GFRA1: variants seen among roughly 807,000 people sequenced by gnomAD.
GFRA1 encodes GDNF family receptor alpha 1.
GFRA1 carries 16 observed loss-of-function variants against 51.6 expected under a neutral mutation model. That is an observed-to-expected ratio of 0.31 (90% CI 0.21 to 0.47). The LOEUF (loss-of-function observed/expected upper bound fraction) is 0.47, where lower values mean the gene tolerates loss of function less well. Ranked by LOEUF, GFRA1 falls within the 20% of genes least tolerant of loss-of-function variation. The pLI, the probability that GFRA1 is intolerant of heterozygous loss-of-function variation, is 1.00. For synonymous variants in GFRA1, 270 were observed against 241.3 expected, an observed-to-expected ratio of 1.12 and a Z score of -1.10; for missense variants, 530 against 594.3, an observed-to-expected ratio of 0.89 and a Z score of 1.13.
At chr10:116,110,036 G>C (rs1049488300) in intron 6 of GFRA1, among the ~76,000 whole-genome samples, 3 of 152,148 alleles carry the variant, frequency 2.0e-5, no homozygotes, top group Admixed American at 2.0e-4. Flanking sequence ...CACACTCAAG[G>C]TGCTCCCTGT....
intron 2 of GFRA1, 149 bp downstream of exon 2, chr10:116,271,841 C>A: frequency 1.4e-6 from 1 of 727,738 alleles, no homozygotes; most frequent in South Asian, 1.5e-5. Context: ...CCCGGGGATT[C>A]GCGATCCCAT....
chr10:116,265,106 A>C (rs1018726779), intron 4 of GFRA1, among the ~76,000 whole-genome samples: 1 of 152,254 alleles, frequency 6.6e-6, no homozygotes, highest in South Asian at 2.1e-4. Context: ...GGCAAGACTC[A>C]AAAGAGAGTT....
chr10:116,075,717 T>C (rs368931078), intron 9 of GFRA1, among the ~76,000 whole-genome samples: 93 of 152,272 alleles, frequency 6.1e-4, no homozygotes, highest in African/African-American at 2.1e-3. Context: ...CAGGCATCAG[T>C]ACAATTGATG....
intron 4 of GFRA1, among the ~76,000 whole-genome samples, chr10:116,241,899 G>C (rs2134636312): frequency 6.6e-6 from 1 of 152,248 alleles, no homozygotes; most frequent in South Asian, 2.1e-4. Flanking sequence ...TCCTGAAAGT[G>C]AGCTGCCAAA....
At chr10:116,196,678 T>C (rs1439078679) in intron 5 of GFRA1, among the ~76,000 whole-genome samples, 4 of 42,026 alleles carry the variant, frequency 9.5e-5, no homozygotes, top group Non-Finnish European at 1.2e-4. Flanking sequence ...ATAATATATA[T>C]AATATATAGT....
intron 4 of GFRA1, among the ~76,000 whole-genome samples, chr10:116,235,131 G>A (rs1966852500): frequency 6.6e-6 from 1 of 152,118 alleles, no homozygotes; most frequent in Non-Finnish European, 1.5e-5. Flanking sequence ...GGACTAATGT[G>A]GCACCAGATC....
At chr10:116,121,633 C>G (rs1957649943) in intron 6 of GFRA1, among the ~76,000 whole-genome samples, 1 of 152,204 alleles carries the variant, frequency 6.6e-6, no homozygotes, top group Non-Finnish European at 1.5e-5. Context: ...TGAGCTTGAA[C>G]AGCTCTTTGA....
chr10:116,181,506 G>C (rs115498363), intron 5 of GFRA1, among the ~76,000 whole-genome samples: 1 of 152,102 alleles, frequency 6.6e-6, no homozygotes, highest in Non-Finnish European at 1.5e-5. Flanking sequence ...TCTTAGTTTA[G>C]TTATCTATAA....
In GFRA1 at chr10:116,063,408, T is replaced by A. The variant is rs1954920043; in HGVS notation, c.*990A>T. On this transcript the variant is annotated 3_prime_UTR_variant, in exon 11 of 11. Coordinates refer to ENST00000355422, the MANE Select transcript of GFRA1 (RefSeq NM_005264.8). ...CAGAGTCTGCTTTTGATGAGCTGTA[T>A]TTGTGAAGTTCATATCAGAGCGAAC... 1.3e-5 allele frequency: 2 copies of A among 152,234 alleles called. No individual in the cohort carries two copies. The highest frequency in any genetic ancestry group is 2.9e-5 in the Non-Finnish European group (2 of 68,034). The allele number at this position is 152,234 out of a possible 1,614,324, so 9.4% of individuals were successfully genotyped here.
chr10:116,087,783 G>GA (rs955625650), intron 9 of GFRA1, among the ~76,000 whole-genome samples: 3 of 152,066 alleles, frequency 2.0e-5, no homozygotes, highest in East Asian at 3.9e-4. Flanking sequence ...GCTGGAGATG[G>GA]AAAAAAGACC....
intron 5 of GFRA1, among the ~76,000 whole-genome samples, chr10:116,205,925 A>ATC (rs768457674): frequency 1.7e-4 from 11 of 64,040 alleles, no homozygotes; most frequent in Admixed American, 2.3e-4. Context: ...TTTTCCTCAT[A>ATC]TCACACACAC....
At chr10:116,105,233 C>A (rs1022585101) in intron 6 of GFRA1, among the ~76,000 whole-genome samples, 3 of 152,270 alleles carry the variant, frequency 2.0e-5, no homozygotes, top group Middle Eastern at 3.4e-3. Flanking sequence ...TAAGAGTAAA[C>A]CTTATCCAAT....
chr10:116,270,231 C>T (rs1843794082), intron 3 of GFRA1, among the ~76,000 whole-genome samples: 1 of 152,164 alleles, frequency 6.6e-6, no homozygotes, highest in South Asian at 2.1e-4. Flanking sequence ...TCTCCCTGAG[C>T]TACTTCTGTG....
intron 4 of GFRA1, among the ~76,000 whole-genome samples, chr10:116,258,252 AAATGG>A (rs1969030609): frequency 6.6e-6 from 1 of 151,726 alleles, no homozygotes; most frequent in Non-Finnish European, 1.5e-5. Flanking sequence ...AATTTGGCAG[AAATGG>A]AATTCTATCA....
Position 116,270,979 on chromosome 10 carries a change from G to A in GFRA1, c.177C>T (p.Asn59=). Residue 59 remains asparagine, a synonymous_variant, in exon 3 of 11, where the codon AAC becomes AAT. Coordinates refer to ENST00000355422, the MANE Select transcript of GFRA1 (RefSeq NM_005264.8). ...CCTCCAGGCCGGATGCCAGGCTGAA[G>A]TTGGTCTCCTTGCCCGCCACGCACT... ...LRQCVAGKET[N]FSLASGLEAK... 6.2e-7 allele frequency: 1 copy of A among 1,614,242 alleles called. No individual in the cohort carries two copies. The highest frequency in any genetic ancestry group is 8.5e-7 in the Non-Finnish European group (1 of 1,180,054).
At chr10:116,167,857 A>C (rs943187872) in intron 5 of GFRA1, among the ~76,000 whole-genome samples, 1 of 152,186 alleles carries the variant, frequency 6.6e-6, no homozygotes, top group African/African-American at 2.4e-5. Context: ...CATGAGAGTC[A>C]GCCTTCATGT....
intron 5 of GFRA1, among the ~76,000 whole-genome samples, chr10:116,143,591 T>C (rs762469089): frequency 2.6e-5 from 4 of 152,146 alleles, no homozygotes; most frequent in Non-Finnish European, 4.4e-5. Context: ...ACCTGAATGT[T>C]ATTTAGATTT....
rs1022476658 is a variant in GFRA1, at chr10:116,272,150, G to C, written c.-121C>G. 16 of 878,300 alleles carry C rather than the reference G, an allele frequency of 1.8e-5. No individual in the cohort carries two copies. Among genetic ancestry groups the C allele is most frequent in the Non-Finnish European group, 3.0e-5 (16 of 538,920 alleles). 54.4% of individuals were successfully genotyped at this position (878,300 alleles called of 1,614,324 possible). On this transcript the variant is annotated 5_prime_UTR_variant, in exon 2 of 11. Coordinates refer to ENST00000355422, the MANE Select transcript of GFRA1 (RefSeq NM_005264.8). The surrounding 1 kb of genome is among the most constrained non-coding windows in gnomAD (Gnocchi z 4.4). ...AGCTGTGCTGCTCTGGCCGCCCAAA[G>C]TTCAGCTCCATCCAGTGAAAGAGGA...
At chr10:116,116,985 C>T (rs546264919) in intron 6 of GFRA1, among the ~76,000 whole-genome samples, 4 of 152,252 alleles carry the variant, frequency 2.6e-5, no homozygotes, top group South Asian at 4.2e-4. Context: ...AAAGGCTGAA[C>T]GGTGTAAGAA....
Sources: gnomAD v4.1 joint callset for allele counts (sites outside exome capture counted in the v4.1 genomes callset) on GRCh38, gnomAD v4.1.1 for gene constraint, Gnocchi (gnomAD v3.1) non-coding constraint, MANE v1.5 for transcripts, NCBI Gene and HGNC (gene_info 2026-07-23, HGNC 2026-07-21) for gene names.